DOP1A: variants seen among roughly 807,000 people sequenced by gnomAD.
The protein encoded by DOP1A is DOP1 leucine zipper like protein A.
In DOP1A, 90 loss-of-function variants were observed where a neutral mutation model predicts 267.6. That is an observed-to-expected ratio of 0.34 (90% CI 0.28 to 0.40). The LOEUF (loss-of-function observed/expected upper bound fraction) is 0.40, where lower values mean the gene tolerates loss of function less well. Ranked by LOEUF, DOP1A falls within the 10% of genes least tolerant of loss-of-function variation. The pLI, the probability that DOP1A is intolerant of heterozygous loss-of-function variation, is 1.00. For missense variants in DOP1A, 2,437 were observed against 2,900.4 expected (o/e 0.84, Z 3.67); for synonymous variants, 932 against 999.1 (o/e 0.93, Z 1.27).
chr6:83,132,979 G>T (rs539834046), intron 18 of DOP1A, among the ~76,000 whole-genome samples: 3 of 152,056 alleles, frequency 2.0e-5, no homozygotes, highest in Admixed American at 6.6e-5. Flanking sequence ...GCTTTTAGAA[G>T]TAGATTGTCC....
intron 17 of DOP1A, 80 bp downstream of exon 17, chr6:83,130,477 T>G: frequency 6.7e-7 from 1 of 1,497,538 alleles, no homozygotes; most frequent in Non-Finnish European, 9.0e-7. Context: ...TTAAGAATTA[T>G]TTTTTAAATG....
chr6:83,087,729 A>G (rs879635962), intron 1 of DOP1A, among the ~76,000 whole-genome samples: 1 of 152,238 alleles, frequency 6.6e-6, no homozygotes, highest in Non-Finnish European at 1.5e-5. Context: ...AAATACACGA[A>G]GCACTTGAAT....
At chr6:83,169,569 C>T (rs1323019823), downstream of DOP1A, 2 of 510,310 alleles carry the variant, frequency 3.9e-6, no homozygotes, top group Non-Finnish European at 7.1e-6. Context: ...ATAAAAATAG[C>T]TATCATTCCA....
chr6:83,151,519 C>G, intron 27 of DOP1A, 74 bp from the exon 28 acceptor site: 4 of 1,182,594 alleles, frequency 3.4e-6, no homozygotes, highest in East Asian at 2.4e-5. Flanking sequence ...CTTAACTCAT[C>G]GTGAGAAATT....
chr6:83,120,773 C>G lies in DOP1A; in HGVS notation c.1081C>G (p.Leu361Val). The part of the protein sequence containing the change: ...LKPFRILISL[L>V]DKPELGPVIL... ...GCCTTTTCGCATTTTAATCAGTTTA[C>G]TGGACAAACCTGAGCTAGGTAATGT... The change falls in exon 10 of 39, where the codon CTG becomes GTG. Residue 361 changes from leucine to valine, a missense_variant. Coordinates refer to ENST00000349129, the MANE Select transcript of DOP1A (RefSeq NM_015018.4). 1 of 1,572,024 alleles carries G rather than the reference C, an allele frequency of 6.4e-7. No individual in the cohort carries two copies. Among genetic ancestry groups the G allele is most frequent in the Non-Finnish European group, 8.7e-7 (1 of 1,150,694 alleles).
intron 25 of DOP1A, 121 bp from the exon 26 acceptor site, chr6:83,147,115 T>A: frequency 2.3e-6 from 1 of 427,454 alleles, no homozygotes; most frequent in East Asian, 3.5e-5. Context: ...GAAAAATTGA[T>A]GATTTTGTTC....
At chr6:83,089,590 T>A (rs1769958980) in intron 1 of DOP1A, among the ~76,000 whole-genome samples, 1 of 152,194 alleles carries the variant, frequency 6.6e-6, no homozygotes, top group Non-Finnish European at 1.5e-5. Flanking sequence ...AAACTACGAT[T>A]AACAGCCCCT....
In DOP1A at chr6:83,153,901, A is replaced by G; in HGVS notation, c.6247A>G (p.Asn2083Asp). Residue 2083 changes from asparagine (N) to aspartate (D), a missense_variant, in exon 32 of 39, where the codon AAT (asparagine) becomes GAT (aspartate). By Grantham distance (23) the Asn-to-Asp change is conservative (BLOSUM62 1). Coordinates refer to ENST00000349129, the MANE Select transcript of DOP1A (RefSeq NM_015018.4). The part of the protein sequence containing the change: ...VPYLRNHSAH[N>D]APSYRACVQL... ...GGTTTTTCTTCCTTGTAGTGCACATAATGCCCCTAGTTATCGAGCTTGTGT... is the reference window on the plus strand; with the variant it reads ...GGTTTTTCTTCCTTGTAGTGCACATGATGCCCCTAGTTATCGAGCTTGTGT... The G allele has an allele frequency of 1.9e-6, 3 of 1,611,542 alleles. No homozygotes were observed. The highest frequency in any genetic ancestry group is 2.5e-6 in the Non-Finnish European group (3 of 1,179,364).
Position 83,100,813 on chromosome 6 carries a change from G to A in DOP1A, c.247G>A (p.Ala83Thr), listed in dbSNP as rs761356986. 2 of 1,593,256 alleles carry A rather than the reference G, an allele frequency of 1.3e-6. No homozygotes were observed. Among genetic ancestry groups the A allele is most frequent in the Non-Finnish European group, 8.6e-7 (1 of 1,168,170 alleles). The change falls in exon 4 of 39, where the codon GCG (alanine) becomes ACG (threonine). Residue 83 changes from alanine to threonine, a missense_variant. Around this residue, in one of 9 missense-constraint regions of DOP1A, gnomAD observed 251 missense variants for 359.1 expected, o/e 0.70. Transcript: ENST00000349129. ...PALPGGVHRK[A>T]LETYEIIFKI... Reference sequence around the variant, plus strand: ...ATTACCAGGTGGAGTTCATCGGAAGGCGCTTGAAACATATGAAATTATCTT... The same window carrying A: ...ATTACCAGGTGGAGTTCATCGGAAGACGCTTGAAACATATGAAATTATCTT...
chr6:83,148,826 C>T lies in DOP1A; in HGVS notation c.5800C>T (p.Leu1934=). ...GATACTTCTGAAAGACTCTATACAA[C>T]TGAGTCTTCCAGCTCCAGGGCAGTT... is the stretch of plus-strand genomic sequence containing the variant. ...LLILLKDSIQ[L]SLPAPGQFLI... is the part of the protein sequence containing the mutation. The change falls in exon 27 of 39, where the codon CTG becomes TTG. Residue 1934 remains leucine, a synonymous_variant. Transcript: ENST00000349129. The T allele has an allele frequency of 1.3e-6, 2 of 1,550,686 alleles. No individual in the cohort carries two copies. The highest frequency in any genetic ancestry group is 2.6e-5 in the South Asian group (2 of 78,254).
At chr6:83,122,701 A>T (rs1285554326) in intron 11 of DOP1A, among the ~76,000 whole-genome samples, 162 bp from the exon 12 acceptor site, 4 of 152,062 alleles carry the variant, frequency 2.6e-5, no homozygotes, top group Non-Finnish European at 4.4e-5. Context: ...CCATAAAATG[A>T]TAGGAGAGTG....
intron 1 of DOP1A, among the ~76,000 whole-genome samples, chr6:83,073,475 T>C (rs1389933065): frequency 6.6e-6 from 1 of 152,208 alleles, no homozygotes; most frequent in Non-Finnish European, 1.5e-5. Flanking sequence ...CAAAGCACTG[T>C]TCCCCAAACC....
chr6:83,140,190 AAT>A, intron 22 of DOP1A, 29 bp from the exon 23 acceptor site: 1 of 1,606,064 alleles, frequency 6.2e-7, no homozygotes, highest in Non-Finnish European at 8.5e-7. Flanking sequence ...CTCAGTAAGT[AAT>A]ATGTTTCTTT....
chr6:83,108,820 A>G lies in DOP1A; in HGVS notation c.321-90A>G, dbSNP rs570188739. ...AGCCAATCAGTATAACTTTTTCATCAGAAAGAAATATTTATACATATAATT... is the reference window on the plus strand; with the variant it reads ...AGCCAATCAGTATAACTTTTTCATCGGAAAGAAATATTTATACATATAATT... On this transcript the variant is annotated intron_variant, in intron 4 of 38. Coordinates refer to ENST00000349129, the MANE Select transcript of DOP1A (RefSeq NM_015018.4). 34 of 1,264,406 alleles carry G rather than the reference A, an allele frequency of 2.7e-5. No individual in the cohort carries two copies. In the African/African-American group the frequency reaches 5.1e-4, roughly 19 times the overall value. 78.3% of individuals were successfully genotyped at this position (1,264,406 alleles called of 1,614,324 possible). A position where few individuals can be genotyped will look rare whatever the true frequency, so the allele number is the denominator to read the frequency against.
intron 10 of DOP1A, among the ~76,000 whole-genome samples, chr6:83,121,638 A>C (rs959068983): frequency 6.6e-6 from 1 of 151,724 alleles, no homozygotes; most frequent in African/African-American, 2.4e-5. Context: ...GAGGAAACTA[A>C]AGCTCAAAGA....
chr6:83,166,482 AAAATCGCT>A (rs1264873976), intron 38 of DOP1A: 1 of 698,536 alleles, frequency 1.4e-6, no homozygotes, highest in Non-Finnish European at 2.6e-6. Context: ...TTGAACTCAG[AAAATCGCT>A]AAATTTGATT....
chr6:83,137,083 TA>T, intron 20 of DOP1A, 89 bp from the exon 21 acceptor site: 1 of 1,207,668 alleles, frequency 8.3e-7, no homozygotes, highest in Non-Finnish European at 1.1e-6. Flanking sequence ...CACTAATGAT[TA>T]AAAATTTTGA....
intron 1 of DOP1A, among the ~76,000 whole-genome samples, chr6:83,084,346 G>T (rs1453821211): frequency 6.6e-6 from 1 of 151,304 alleles, no homozygotes; most frequent in Non-Finnish European, 1.5e-5. Context: ...GTGTAGTAGG[G>T]TTTACCATTA....
In DOP1A at chr6:83,138,757, T is replaced by C; in HGVS notation, c.4715T>C (p.Phe1572Ser). ...DSLINFSEDEFDNGSTLQSQL... is the reference protein window; with the variant it reads ...DSLINFSEDESDNGSTLQSQL... Reference sequence around the variant, plus strand: ...CTTATTAATTTCTCAGAGGATGAATTTGACAATGGCAGCACGTTGCAGTCA... The same window carrying C: ...CTTATTAATTTCTCAGAGGATGAATCTGACAATGGCAGCACGTTGCAGTCA... Residue 1572 changes from phenylalanine to serine, a missense_variant, in exon 21 of 39, where the codon TTT becomes TCT. By Grantham distance (155) the Phe-to-Ser change is radical. Transcript: ENST00000349129. The C allele has an allele frequency of 6.2e-7, 1 of 1,614,032 alleles. No individual in the cohort carries two copies. Among genetic ancestry groups the C allele is most frequent in the Non-Finnish European group, 8.5e-7 (1 of 1,179,940 alleles).
Sources: allele counts gnomAD v4.1 joint callset (sites outside exome capture counted in the v4.1 genomes callset), GRCh38; gene constraint gnomAD v4.1.1; regional missense constraint gnomAD v4.1.1; transcripts MANE v1.5; gene names NCBI Gene and HGNC (gene_info 2026-07-23, HGNC 2026-07-21).